Variants in CDH19 observed in about 807,000 individuals in gnomAD.
The protein encoded by CDH19 is cadherin 19, also known as cadherin-19.
CDH19 carries 67 observed loss-of-function variants against 64.2 expected under a neutral mutation model. That is an observed-to-expected ratio of 1.04 (90% CI 0.86 to 1.28). CDH19 has a LOEUF of 1.28. Among genes scored for constraint, CDH19 ranks in the 50% most tolerant of loss-of-function variants. The probability of loss-of-function intolerance (pLI) is 0.00; values close to 1 mark genes in which losing one functional copy is unlikely to be tolerated. For synonymous variants in CDH19, 346 were observed against 319.3 expected, an observed-to-expected ratio of 1.08 and a Z score of -0.89; for missense variants, 1,030 against 929.0, an observed-to-expected ratio of 1.11 and a Z score of -1.41.
At chr18:66,597,081 C>CAAA (rs35253366) in intron 1 of CDH19, among the ~76,000 whole-genome samples, 6,606 of 26,012 alleles carry the variant, frequency 0.25, 1,215 homozygotes, top group Non-Finnish European at 0.3. Context: ...GACTCCATCT[C>CAAA]AAAAAAAAAA....
At chr18:66,581,926 A>G (rs993040876) in intron 1 of CDH19, among the ~76,000 whole-genome samples, 13 of 152,202 alleles carry the variant, frequency 8.5e-5, no homozygotes, top group African/African-American at 2.9e-4. Flanking sequence ...TGTTAATTAC[A>G]TCCCATATGC....
At chr18:66,591,141 C>A (rs183787494) in intron 1 of CDH19, among the ~76,000 whole-genome samples, 1 of 151,702 alleles carries the variant, frequency 6.6e-6, no homozygotes, top group Non-Finnish European at 1.5e-5. Flanking sequence ...AGCTGCAAGA[C>A]GATTTAATAA....
chr18:66,563,660 T>G (rs1295674280), intron 3 of CDH19, among the ~76,000 whole-genome samples: 6 of 151,958 alleles, frequency 3.9e-5, no homozygotes, highest in Non-Finnish European at 7.4e-5. Context: ...ACAAGGATAA[T>G]TATTTTTCTA....
intron 3 of CDH19, among the ~76,000 whole-genome samples, chr18:66,558,453 T>A (rs1987602157): frequency 6.6e-6 from 1 of 151,860 alleles, no homozygotes; most frequent in Admixed American, 6.6e-5. Flanking sequence ...TGTTTCTATG[T>A]TTTTAAAGAG....
intron 7 of CDH19, among the ~76,000 whole-genome samples, chr18:66,543,437 C>G (rs191179226): frequency 6.6e-6 from 1 of 152,268 alleles, no homozygotes; most frequent in African/African-American, 2.4e-5. Context: ...ATATAATGCA[C>G]TGAATTTTAA....
intron 1 of CDH19, among the ~76,000 whole-genome samples, chr18:66,587,453 G>A (rs1378904025): frequency 3.3e-5 from 5 of 151,886 alleles, no homozygotes; most frequent in East Asian, 3.9e-4. Flanking sequence ...ATGACTAATC[G>A]GATGAAATGG....
intron 7 of CDH19, among the ~76,000 whole-genome samples, chr18:66,538,308 T>A (rs967381319): frequency 2.0e-5 from 3 of 152,142 alleles, no homozygotes; most frequent in African/African-American, 7.2e-5. Context: ...TTTGGGGATA[T>A]CTCCAAAGTC....
At chr18:66,554,553 G>C (rs758537805) in intron 3 of CDH19, 29 bp from the exon 4 acceptor site, 1 of 1,593,212 alleles carries the variant, frequency 6.3e-7, no homozygotes, top group Non-Finnish European at 8.6e-7. Context: ...AGGAAATTAA[G>C]ATTGTGGTTT....
At chr18:66,571,347 G>A (rs1405911355) in intron 2 of CDH19, among the ~76,000 whole-genome samples, 3 of 151,428 alleles carry the variant, frequency 2.0e-5, no homozygotes, top group African/African-American at 7.3e-5. Flanking sequence ...GTTAATTAGC[G>A]GTTAAACTTA....
chr18:66,501,527 G>A lies in CDH19; in HGVS notation c.*3285C>T, dbSNP rs1163657677. The A allele has an allele frequency of 6.6e-6, 1 of 152,154 alleles. No individual in the cohort carries two copies. Among genetic ancestry groups the A allele is most frequent in the Non-Finnish European group, 1.5e-5 (1 of 68,092 alleles). The allele number at this position is 152,154 out of a possible 1,614,324, so 9.4% of individuals were successfully genotyped here. ...AAACTGCACAAGTGGGTAGAGATGGGAAAGTCCATGGCCTATGGGGAAGGT... is the reference window on the plus strand; with the variant it reads ...AAACTGCACAAGTGGGTAGAGATGGAAAAGTCCATGGCCTATGGGGAAGGT... On this transcript the variant is annotated 3_prime_UTR_variant, in exon 12 of 12. Coordinates refer to ENST00000262150, the MANE Select transcript of CDH19 (RefSeq NM_021153.4).
At chr18:66,507,832 G>A (rs960065035) in intron 11 of CDH19, among the ~76,000 whole-genome samples, 2 of 151,814 alleles carry the variant, frequency 1.3e-5, no homozygotes, top group East Asian at 1.9e-4. Flanking sequence ...GCAATGTGAT[G>A]TCTGATATAT....
At position 66,594,159 on chromosome 18, in the gene CDH19, G is replaced by A. The variant is rs533920147; in HGVS notation, c.-113+9795C>T. ...GACAAAACAGACAACTATCAAAAAC[G>A]ACAAAAATCGGCATTACATAATGAT... On this transcript the variant is annotated intron_variant, in intron 1 of 11. Coordinates refer to ENST00000262150, the MANE Select transcript of CDH19 (RefSeq NM_021153.4). Among the ~76,000 whole-genome samples the A allele has an allele frequency of 9.9e-5, 15 of 152,088 alleles. No individual in the cohort carries two copies. The South Asian group carries it at 2.5e-3, about 25-fold the overall frequency.
At chr18:66,572,337 CA>C (rs1049619609) in intron 1 of CDH19, 21 bp from the exon 2 acceptor site, 3 of 520,618 alleles carry the variant, frequency 5.8e-6, no homozygotes, top group Non-Finnish European at 6.5e-6. Flanking sequence ...AGAAACAAAA[CA>C]AAATTTGACA....
chr18:66,586,103 G>A (rs756338735), intron 1 of CDH19, among the ~76,000 whole-genome samples: 76 of 151,836 alleles, frequency 5.0e-4, no homozygotes, highest in African/African-American at 1.3e-3. Flanking sequence ...AATGTATTCC[G>A]GAAAGCTCAT....
chr18:66,557,406 G>C (rs1038825058), intron 3 of CDH19, among the ~76,000 whole-genome samples: 13 of 151,928 alleles, frequency 8.6e-5, no homozygotes, highest in Admixed American at 7.9e-4. Context: ...CTACTAAGTG[G>C]AGAATCTAAT....
At chr18:66,574,515 T>C (rs1988208557) in intron 1 of CDH19, among the ~76,000 whole-genome samples, 1 of 151,546 alleles carries the variant, frequency 6.6e-6, no homozygotes, top group African/African-American at 2.4e-5. Flanking sequence ...AAAAAACAGT[T>C]AAACTGAAGA....
At chr18:66,527,435 T>C (rs77367713) in intron 9 of CDH19, among the ~76,000 whole-genome samples, 6,109 of 152,016 alleles carry the variant, frequency 0.04, 379 homozygotes, top group African/African-American at 0.13. Context: ...TAGTAATATA[T>C]TGAGGAAAAT....
intron 1 of CDH19, among the ~76,000 whole-genome samples, chr18:66,602,021 A>C (rs942712585): frequency 2.0e-5 from 3 of 151,962 alleles, no homozygotes; most frequent in African/African-American, 7.2e-5. Context: ...CTGTTTCACC[A>C]AAGCAAAGAT....
Position 66,568,318 on chromosome 18 carries a change from G to A in CDH19, c.490+98C>T, listed in dbSNP as rs964312874. ...AACATATTTGTAGAAGGAAGTTCTA[G>A]TATAGACCCTTAAATCATCTACTTC... On this transcript the variant is annotated intron_variant, in intron 3 of 11. Transcript: ENST00000262150. The A allele has an allele frequency of 6.6e-6, 6 of 903,934 alleles. No individual in the cohort carries two copies. In the African/African-American group the frequency reaches 8.4e-5, roughly 13 times the overall value. 56.0% of individuals were successfully genotyped at this position (903,934 alleles called of 1,614,324 possible). A position where few individuals can be genotyped will look rare whatever the true frequency, so the allele number is the denominator to read the frequency against.
Sources: allele counts gnomAD v4.1 joint callset (sites outside exome capture counted in the v4.1 genomes callset), GRCh38; gene constraint gnomAD v4.1.1; transcripts MANE v1.5; gene names NCBI Gene and HGNC (gene_info 2026-07-23, HGNC 2026-07-21).